KRCC1: variants seen among roughly 807,000 people sequenced by gnomAD.
KRCC1 encodes the protein lysine-rich coiled-coil protein 1.
Under a neutral mutation model 7.4 loss-of-function variants are expected in KRCC1, and 3 were observed. The ratio of observed to expected loss-of-function variants is 0.40; its 90% CI spans 0.18 to 1.04. The LOEUF (loss-of-function observed/expected upper bound fraction) is 1.04. Among genes scored for constraint, KRCC1 ranks in the 50% least tolerant of loss-of-function variants. KRCC1 has a pLI of 0.33. For synonymous variants in KRCC1, 102 were observed against 101.6 expected (o/e 1.00, Z -0.02); for missense variants, 277 against 300.9 (o/e 0.92, Z 0.59).
At chr2:88,048,886 C>CT (rs1227634155) in intron 1 of KRCC1, among the ~76,000 whole-genome samples, 2 of 152,160 alleles carry the variant, frequency 1.3e-5, no homozygotes, top group African/African-American at 4.8e-5. Flanking sequence ...TGTTTGATTC[C>CT]TTTTTTCCCC....
chr2:88,044,908 G>C (rs1037554569), intron 1 of KRCC1, among the ~76,000 whole-genome samples: 2 of 136,816 alleles, frequency 1.5e-5, no homozygotes, highest in South Asian at 2.2e-4. Flanking sequence ...GCTCATGCTA[G>C]AGTGCAGTGG....
At chr2:88,031,392 T>TG (rs1157810731) in intron 3 of KRCC1, among the ~76,000 whole-genome samples, 2 of 151,348 alleles carry the variant, frequency 1.3e-5, no homozygotes, top group African/African-American at 2.4e-5. Flanking sequence ...GGAGGCCAGG[T>TG]GGGTGGATCA....
chr2:88,033,576 T>C (rs4574119), intron 3 of KRCC1, among the ~76,000 whole-genome samples: 137,773 of 152,288 alleles, frequency 0.9, 62,697 homozygotes, highest in East Asian at 1. Context: ...ATTGTTGAAA[T>C]TGGGTGATGG....
intron 1 of KRCC1, among the ~76,000 whole-genome samples, chr2:88,052,309 G>A (rs1673508110): frequency 6.6e-6 from 1 of 152,188 alleles, no homozygotes; most frequent in Non-Finnish European, 1.5e-5. Context: ...GAGACTGAGA[G>A]TTCTAATTTG....
At chr2:88,031,537 G>T (rs191500154) in intron 3 of KRCC1, among the ~76,000 whole-genome samples, 4 of 151,842 alleles carry the variant, frequency 2.6e-5, no homozygotes, top group African/African-American at 9.7e-5. Flanking sequence ...CTGGAGAATC[G>T]CCTGAACCTA....
rs5832712 is a variant in KRCC1, at chr2:88,042,058, CTTTTT to C, written c.-290-5012_-290-5008del. Among the ~76,000 whole-genome samples the C allele has an allele frequency of 1.9e-4, 21 of 111,308 alleles. 1 individual carries two copies. Among genetic ancestry groups the C allele is most frequent in the African/African-American group, 6.5e-4 (20 of 30,680 alleles). 73.0% of individuals were successfully genotyped at this position (111,308 alleles called of 152,430 possible). ...TCTTGTTATGGGTTTAGACCATTAT[CTTTTT>C]TTTTTTTTTTTTTTCCAGATGTAGT... On this transcript the variant is annotated intron_variant, in intron 1 of 3. Transcript: ENST00000347055.
At chr2:88,038,211 G>T (rs539531863) in intron 1 of KRCC1, among the ~76,000 whole-genome samples, 1 of 152,226 alleles carries the variant, frequency 6.6e-6, no homozygotes, top group African/African-American at 2.4e-5. Context: ...AGGAATTAAT[G>T]CATTTGGCCT....
chr2:88,039,007 C>T (rs1010802751), intron 1 of KRCC1, among the ~76,000 whole-genome samples: 2 of 152,100 alleles, frequency 1.3e-5, no homozygotes, highest in African/African-American at 2.4e-5. Context: ...CTCTTGACTG[C>T]CTGTATCCTT....
chr2:88,050,055 CTT>C (rs1322121945), intron 1 of KRCC1, among the ~76,000 whole-genome samples: 2 of 152,176 alleles, frequency 1.3e-5, no homozygotes, highest in African/African-American at 4.8e-5. Context: ...CTATTGAGCT[CTT>C]TAAAAGGGCT....
chr2:88,029,698 C>T (rs1425530376), intron 3 of KRCC1, among the ~76,000 whole-genome samples: 2 of 151,822 alleles, frequency 1.3e-5, no homozygotes, highest in African/African-American at 4.8e-5. Context: ...GTAGATACAC[C>T]ATTTTTGTTT....
At chr2:88,052,502 T>C (rs538653332) in intron 1 of KRCC1, among the ~76,000 whole-genome samples, 27 of 106,046 alleles carry the variant, frequency 2.5e-4, no homozygotes, top group Non-Finnish European at 6.2e-4. Context: ...TTCACCCCTT[T>C]GGGCAACTGC....
chr2:88,038,166 A>C (rs1673131917), intron 1 of KRCC1, among the ~76,000 whole-genome samples: 1 of 152,230 alleles, frequency 6.6e-6, no homozygotes, highest in Non-Finnish European at 1.5e-5. Flanking sequence ...ATACAACCCA[A>C]ACTTAAGTAT....
chr2:88,043,846 A>AT (rs1673269277), intron 1 of KRCC1, among the ~76,000 whole-genome samples: 1 of 151,816 alleles, frequency 6.6e-6, no homozygotes, highest in Admixed American at 6.6e-5. Flanking sequence ...ATTTTTTTGT[A>AT]TTTTTTTAAG....
intron 1 of KRCC1, among the ~76,000 whole-genome samples, chr2:88,052,026 C>T (rs1450620108): frequency 1.3e-5 from 2 of 152,358 alleles, no homozygotes; most frequent in South Asian, 2.1e-4. Flanking sequence ...CCTGCACTTG[C>T]TCACCATGTT....
chr2:88,047,532 T>C (rs191063187), intron 1 of KRCC1, among the ~76,000 whole-genome samples: 2 of 152,294 alleles, frequency 1.3e-5, no homozygotes, highest in Admixed American at 6.5e-5. Context: ...AACAGCATAA[T>C]AGGTTTGTGT....
At chr2:88,051,536 G>A (rs1277441535) in intron 1 of KRCC1, among the ~76,000 whole-genome samples, 4 of 152,170 alleles carry the variant, frequency 2.6e-5, no homozygotes, top group African/African-American at 9.7e-5. Context: ...TCCTAGCCAT[G>A]TTTTAGATAG....
intron 1 of KRCC1, among the ~76,000 whole-genome samples, chr2:88,049,491 C>G (rs1673420506): frequency 6.6e-6 from 1 of 151,970 alleles, no homozygotes; most frequent in Non-Finnish European, 1.5e-5. Flanking sequence ...ACTAAAAATA[C>G]AAAAAAACTA....
chr2:88,044,409 A>T (rs112662723), intron 1 of KRCC1, among the ~76,000 whole-genome samples: 1,794 of 21,916 alleles, frequency 0.082, 28 homozygotes, highest in Non-Finnish European at 0.12. Context: ...AACAAAAAAA[A>T]AAAAAAAGAA....
chr2:88,038,732 T>C (rs1254065732), intron 1 of KRCC1, among the ~76,000 whole-genome samples: 1 of 152,138 alleles, frequency 6.6e-6, no homozygotes, highest in African/African-American at 2.4e-5. Flanking sequence ...CACTTTCCTT[T>C]CAAGGTGGTA....
Sources: allele counts gnomAD v4.1 joint callset (sites outside exome capture counted in the v4.1 genomes callset), GRCh38; gene constraint gnomAD v4.1.1; transcripts MANE v1.5; gene names NCBI Gene and HGNC (gene_info 2026-07-23, HGNC 2026-07-21).